FSHR: variants seen among roughly 807,000 people sequenced by gnomAD.
FSHR encodes the protein follicle stimulating hormone receptor, also known as follicle-stimulating hormone receptor.
A neutral mutation model predicts 52.1 loss-of-function variants in FSHR; 46 were observed. That is an observed-to-expected ratio of 0.88 (90% confidence interval 0.70 to 1.13). The LOEUF (loss-of-function observed/expected upper bound fraction) is 1.13, where lower values mean the gene tolerates loss of function less well. Ranked by LOEUF, FSHR falls within the 50% of genes most tolerant of loss-of-function variation. The pLI is 0.00. For synonymous variants in FSHR, 399 were observed against 309.6 expected, an observed-to-expected ratio of 1.29 and a Z score of -3.03; for missense variants, 964 against 834.6, an observed-to-expected ratio of 1.16 and a Z score of -1.91.
intron 8 of FSHR, among the ~76,000 whole-genome samples, chr2:48,970,721 C>T (rs533312122): frequency 1.3e-5 from 2 of 152,254 alleles, no homozygotes; most frequent in East Asian, 1.9e-4. Context: ...CTTTGAACTC[C>T]ACCATTTTGA....
chr2:49,021,835 C>CTCTCTCTCTCTCTCTT, intron 2 of FSHR, among the ~76,000 whole-genome samples: 1 of 19,994 alleles, frequency 5.0e-5, no homozygotes, highest in Non-Finnish European at 1.0e-4. Context: ...ATGTGTTTCT[C>CTCTCTCTCTCTCTCTT]TCTCTCTCTC....
In FSHR at chr2:48,963,109, G is replaced by T. The variant is rs1221876846; in HGVS notation, c.1712C>A (p.Ala571Asp). ...GAAGATGAGCATGGCCATGCGCTTG[G>T]CGATCCTGGTGTCACTAGAGGAGGA... ...IVSSSSDTRI[A>D]KRMAMLIFTD... The change falls in exon 10 of 10, where the codon GCC becomes GAC. Residue 571 changes from alanine (A) to aspartate (D), a missense_variant. Transcript: ENST00000406846. 1.2e-6 allele frequency: 2 copies of T among 1,614,104 alleles called. No individual in the cohort carries two copies. Among genetic ancestry groups the T allele is most frequent in the Non-Finnish European group, 1.7e-6 (2 of 1,179,998 alleles).
In FSHR at chr2:48,998,752, C is replaced by T. The variant is rs543162638; in HGVS notation, c.375-8115G>A. 4.0e-5 allele frequency among the ~76,000 whole-genome samples: 6 copies of T among 151,034 alleles called. No homozygotes were observed. In the South Asian group the frequency reaches 1.2e-3, roughly 31 times the overall value. ...CATTAAAATCTAATATTACAATGAC[C>T]TCTTAAACTAAGGATTAAAAAAAAA... On this transcript the variant is annotated intron_variant, in intron 4 of 9. Transcript: ENST00000406846.
intron 1 of FSHR, among the ~76,000 whole-genome samples, chr2:49,097,690 C>T (rs1250216774): frequency 1.4e-4 from 22 of 152,264 alleles, no homozygotes; most frequent in Non-Finnish European, 5.9e-5. Context: ...GGCAGATCAC[C>T]CCTGCACTGT....
At chr2:49,080,661 T>C (rs904606245) in intron 1 of FSHR, among the ~76,000 whole-genome samples, 2 of 152,210 alleles carry the variant, frequency 1.3e-5, no homozygotes, top group African/African-American at 4.8e-5. Context: ...TAATATAGTA[T>C]GTTGTTTTGT....
At chr2:49,056,581 C>T (rs1238171706) in intron 2 of FSHR, among the ~76,000 whole-genome samples, 1 of 151,512 alleles carries the variant, frequency 6.6e-6, no homozygotes, top group Non-Finnish European at 1.5e-5. Context: ...GACTTCAACA[C>T]CCTACTCTCA....
intron 1 of FSHR, among the ~76,000 whole-genome samples, chr2:49,138,776 T>G (rs1307675650): frequency 6.6e-6 from 1 of 152,214 alleles, no homozygotes; most frequent in Non-Finnish European, 1.5e-5. Context: ...TGGTTGCACA[T>G]ATCTGTGAAT....
intron 4 of FSHR, among the ~76,000 whole-genome samples, chr2:49,000,914 G>C (rs991485474): frequency 6.6e-6 from 1 of 152,010 alleles, no homozygotes; most frequent in Admixed American, 6.6e-5. Context: ...TGGTTACAGA[G>C]GTCACAAGTC....
rs1675550755 is a variant in FSHR at position 48,987,186 on chromosome 2, A to AT, written c.524+1790dup. Among the ~76,000 whole-genome samples, 3 of 151,542 alleles carry AT rather than the reference A, an allele frequency of 2.0e-5. No homozygotes were observed. In the South Asian group the frequency reaches 6.3e-4, roughly 32 times the overall value. On this transcript the variant is annotated intron_variant, in intron 6 of 9. Coordinates refer to ENST00000406846, the MANE Select transcript of FSHR (RefSeq NM_000145.4). ...TTTTCCACAAGCTCTTTGTATTATT[A>AT]TTTTTATTTATTTTATTTTATTATT...
intron 1 of FSHR, among the ~76,000 whole-genome samples, chr2:49,127,761 T>C (rs1157975855): frequency 6.7e-5 from 2 of 29,716 alleles, no homozygotes; most frequent in Admixed American, 4.7e-4. Context: ...TTTCTTCTTC[T>C]TCTTCTTCTT....
At chr2:49,111,337 C>T (rs1046571446) in intron 1 of FSHR, among the ~76,000 whole-genome samples, 1 of 152,114 alleles carries the variant, frequency 6.6e-6, no homozygotes, top group Non-Finnish European at 1.5e-5. Context: ...ATCCACTGTC[C>T]ATTCTTCTCC....
intron 1 of FSHR, among the ~76,000 whole-genome samples, chr2:49,105,101 G>C (rs1268583178): frequency 6.6e-6 from 1 of 152,102 alleles, no homozygotes. Flanking sequence ...TGGGTACTGA[G>C]ACCAATCACA....
At chr2:49,135,594 G>A (rs1672461620) in intron 1 of FSHR, among the ~76,000 whole-genome samples, 1 of 152,070 alleles carries the variant, frequency 6.6e-6, no homozygotes, top group South Asian at 2.1e-4. Context: ...GCTGAAGGAA[G>A]GAAATAGTAA....
chr2:48,989,787 G>A (rs929563345), intron 5 of FSHR, among the ~76,000 whole-genome samples: 7 of 152,050 alleles, frequency 4.6e-5, no homozygotes, highest in African/African-American at 1.7e-4. Flanking sequence ...TTTCCTGAAT[G>A]AAAGGATGAG....
intron 2 of FSHR, among the ~76,000 whole-genome samples, chr2:49,022,370 G>A (rs563195047): frequency 1.3e-5 from 2 of 152,114 alleles, no homozygotes; most frequent in Non-Finnish European, 2.9e-5. Flanking sequence ...AGTACCAGGT[G>A]TTAGGGTTGG....
chr2:49,040,473 T>A (rs1668444204), intron 2 of FSHR, among the ~76,000 whole-genome samples: 1 of 152,230 alleles, frequency 6.6e-6, no homozygotes, highest in Admixed American at 6.5e-5. Context: ...GTTCCAAGAA[T>A]CTAAACCATA....
intron 2 of FSHR, among the ~76,000 whole-genome samples, chr2:49,034,447 G>T (rs937338160): frequency 2.6e-5 from 4 of 152,204 alleles, no homozygotes; most frequent in Admixed American, 1.3e-4. Flanking sequence ...GGTATATGCA[G>T]GTGTCAATAG....
intron 4 of FSHR, among the ~76,000 whole-genome samples, chr2:49,009,590 G>T (rs1667198199): frequency 1.4e-5 from 2 of 145,014 alleles, no homozygotes; most frequent in South Asian, 4.6e-4. Context: ...TGATGGGGAT[G>T]GCATTGAATC....
At chr2:49,072,865 C>T (rs1045667636) in intron 1 of FSHR, among the ~76,000 whole-genome samples, 24 of 152,206 alleles carry the variant, frequency 1.6e-4, no homozygotes, top group African/African-American at 5.8e-4. Context: ...CTGAAGAAAG[C>T]TGGATTTACC....
Sources: allele counts gnomAD v4.1 joint callset (sites outside exome capture counted in the v4.1 genomes callset), GRCh38; gene constraint gnomAD v4.1.1; transcripts MANE v1.5; gene names NCBI Gene and HGNC (gene_info 2026-07-23, HGNC 2026-07-21).